The following EEPD1 variants were observed in gnomAD, a reference collection of about 807,000 sequenced individuals.
EEPD1 encodes the protein endonuclease/exonuclease/phosphatase family domain-containing protein 1.
EEPD1 carries 17 observed loss-of-function variants against 46.3 expected under a neutral mutation model. That is an observed-to-expected ratio of 0.37 (90% CI 0.25 to 0.55). The LOEUF (loss-of-function observed/expected upper bound fraction) is 0.55. Among genes scored for constraint, EEPD1 ranks in the 20% least tolerant of loss-of-function variants. The pLI is 0.83. For missense variants in EEPD1, 673 were observed against 745.6 expected (o/e 0.90, Z 1.13); for synonymous variants, 313 against 315.6 (o/e 0.99, Z 0.09).
At chr7:36,269,417 G>A (rs1376479362) in intron 3 of EEPD1, among the ~76,000 whole-genome samples, 2 of 152,200 alleles carry the variant, frequency 1.3e-5, no homozygotes, top group Admixed American at 1.3e-4. Flanking sequence ...TACTTAGGAG[G>A]CTGAGGCGGG....
At chr7:36,165,846 T>G (rs1334556280) in intron 2 of EEPD1, among the ~76,000 whole-genome samples, 1 of 152,162 alleles carries the variant, frequency 6.6e-6, no homozygotes, top group East Asian at 1.9e-4. Context: ...AATTGATACA[T>G]TGTCCAATTT....
At chr7:36,259,690 A>G (rs1390452068) in intron 3 of EEPD1, among the ~76,000 whole-genome samples, 1 of 151,042 alleles carries the variant, frequency 6.6e-6, no homozygotes, top group East Asian at 1.9e-4. Context: ...AATTTTTTGT[A>G]CTTTTAGTAG....
chr7:36,191,405 G>A (rs936659183), intron 2 of EEPD1, among the ~76,000 whole-genome samples: 4 of 152,188 alleles, frequency 2.6e-5, no homozygotes, highest in African/African-American at 4.8e-5. Context: ...AAGAGGGAGG[G>A]GAGAGGACGA....
intron 3 of EEPD1, among the ~76,000 whole-genome samples, chr7:36,262,618 G>GTC (rs1340114102): frequency 6.6e-6 from 1 of 152,128 alleles, no homozygotes; most frequent in African/African-American, 2.4e-5. Context: ...ATGCCCAGTG[G>GTC]TCTGCCAGCA....
intron 2 of EEPD1, among the ~76,000 whole-genome samples, chr7:36,205,606 G>A (rs377598092): frequency 3.9e-5 from 6 of 152,226 alleles, no homozygotes; most frequent in Admixed American, 6.5e-5. Flanking sequence ...GGGTAAAAGC[G>A]TGGTGCTAAG....
chr7:36,258,624 T>C (rs919949050), intron 3 of EEPD1, among the ~76,000 whole-genome samples: 2 of 152,082 alleles, frequency 1.3e-5, no homozygotes. Context: ...TTGTTTACAT[T>C]GTGAGGGGAA....
intron 2 of EEPD1, among the ~76,000 whole-genome samples, chr7:36,188,909 T>C (rs984299667): frequency 2.0e-5 from 3 of 152,240 alleles, no homozygotes; most frequent in African/African-American, 7.2e-5. Context: ...TGTGGGTTGA[T>C]ATAATTTCAT....
chr7:36,256,513 G>A (rs1022035806), intron 3 of EEPD1, among the ~76,000 whole-genome samples: 1 of 152,110 alleles, frequency 6.6e-6, no homozygotes, highest in African/African-American at 2.4e-5. Flanking sequence ...TCCCGTATTG[G>A]GTGCATATAT....
At chr7:36,223,153 A>AAAATAAATAAATAAATAAATAAAT (rs142182000) in intron 2 of EEPD1, among the ~76,000 whole-genome samples, 1 of 150,396 alleles carries the variant, frequency 6.6e-6, no homozygotes, top group African/African-American at 2.4e-5. Context: ...TGTGTCTCAA[A>AAAATAAATAAATAAATAAATAAAT]AAATAAATAA....
At chr7:36,273,027 G>A (rs1016905467) in intron 3 of EEPD1, among the ~76,000 whole-genome samples, 1 of 152,100 alleles carries the variant, frequency 6.6e-6, no homozygotes, top group Admixed American at 6.5e-5. Flanking sequence ...GGGTCATCAG[G>A]GCCTATGTGA....
chr7:36,182,433 C>T (rs1019130033), intron 2 of EEPD1, among the ~76,000 whole-genome samples: 3 of 152,148 alleles, frequency 2.0e-5, no homozygotes, highest in African/African-American at 7.2e-5. Flanking sequence ...TCTCAGAGTG[C>T]CTCTCTTTAT....
rs147632854 is a variant in EEPD1, at chr7:36,178,833, G to A, written c.878+23631G>A. 4.4e-3 allele frequency among the ~76,000 whole-genome samples: 669 copies of A among 152,294 alleles called. 9 individuals are homozygous for A. The highest frequency in any genetic ancestry group is 0.016 in the African/African-American group (646 of 41,558). On this transcript the variant is annotated intron_variant, in intron 2 of 7. Coordinates refer to ENST00000242108, the MANE Select transcript of EEPD1 (RefSeq NM_030636.3). ...CTCTAAGGTGATGAGTTGCCTTCCT[G>A]TCTTAATTGCTCCAGGGAGATAACT... is the stretch of plus-strand genomic sequence containing the variant.
Position 36,297,060 on chromosome 7 carries a change from G to A in EEPD1, c.1383G>A (p.Leu461=). 1 of 1,614,212 alleles carries A rather than the reference G, an allele frequency of 6.2e-7. No homozygotes were observed. The highest frequency in any genetic ancestry group is 8.5e-7 in the Non-Finnish European group (1 of 1,180,038). ...QGPDSNDYDI[L]RKEKFHHLIP... The stretch of plus-strand genomic sequence containing the variant: ...CAGACAGCAATGACTATGATATCCT[G>A]AGGAAAGAAAAGTTCCACCACCTGA... Residue 461 remains leucine (L), a synonymous_variant, in exon 7 of 8, where the codon CTG becomes CTA. Coordinates refer to ENST00000242108, the MANE Select transcript of EEPD1 (RefSeq NM_030636.3).
rs778797239 is a variant in EEPD1, at chr7:36,154,641, C to T, written c.317C>T (p.Ser106Leu). Residue 106 changes from serine (S) to leucine (L), a missense_variant, in exon 2 of 8, where the codon TCA becomes TTA. Coordinates refer to ENST00000242108, the MANE Select transcript of EEPD1 (RefSeq NM_030636.3). This position sits in a 1 kb window ranked among gnomAD's most constrained non-coding sequence, Gnocchi z 4.2. ...FEICVSSKGS[S>L]AQHSPSSLRR... is the part of the protein sequence containing the mutation. Reference sequence around the variant, plus strand: ...ATCTGTGTGAGCAGCAAGGGCAGCTCAGCGCAGCACTCTCCCAGTTCCCTG... The same window carrying T: ...ATCTGTGTGAGCAGCAAGGGCAGCTTAGCGCAGCACTCTCCCAGTTCCCTG... The T allele has an allele frequency of 6.2e-7, 1 of 1,613,990 alleles. No homozygotes were observed. The highest frequency in any genetic ancestry group is 1.1e-5 in the South Asian group (1 of 91,078).
intron 2 of EEPD1, among the ~76,000 whole-genome samples, chr7:36,229,615 A>G (rs1786287034): frequency 6.6e-6 from 1 of 152,076 alleles, no homozygotes; most frequent in African/African-American, 2.4e-5. Context: ...GAAACCTGGC[A>G]TCATCTCCAC....
chr7:36,161,120 A>T (rs1784896466), intron 2 of EEPD1, among the ~76,000 whole-genome samples: 1 of 152,002 alleles, frequency 6.6e-6, no homozygotes, highest in South Asian at 2.1e-4. Flanking sequence ...TGACAAATGG[A>T]CCCAGGGCTT....
intron 2 of EEPD1, among the ~76,000 whole-genome samples, chr7:36,188,393 G>A (rs1166128578): frequency 6.6e-6 from 1 of 152,164 alleles, no homozygotes; most frequent in Non-Finnish European, 1.5e-5. Flanking sequence ...ATTGTCATGG[G>A]TCATTGTGTG....
intron 2 of EEPD1, among the ~76,000 whole-genome samples, chr7:36,209,666 G>C (rs1056711534): frequency 6.7e-6 from 1 of 149,266 alleles, no homozygotes; most frequent in Admixed American, 6.7e-5. Context: ...ACATGTTTAG[G>C]GCCAATTATC....
chr7:36,227,586 C>T lies in EEPD1; in HGVS notation c.879-11399C>T, dbSNP rs190334439. On this transcript the variant is annotated intron_variant, in intron 2 of 7. Coordinates refer to ENST00000242108, the MANE Select transcript of EEPD1 (RefSeq NM_030636.3). ...GGGAAAACAGGCCTGCATGTAACAC[C>T]CATGATGTCTTCTAAAATTTGGTGA... Among the ~76,000 whole-genome samples the T allele has an allele frequency of 2.0e-3, 302 of 152,256 alleles. 1 individual carries two copies. Among genetic ancestry groups the T allele is most frequent in the South Asian group, 2.3e-3 (11 of 4,816 alleles).
Sources: gnomAD v4.1 joint callset for allele counts (sites outside exome capture counted in the v4.1 genomes callset) on GRCh38, gnomAD v4.1.1 for gene constraint, Gnocchi (gnomAD v3.1) non-coding constraint, MANE v1.5 for transcripts, NCBI Gene and HGNC (gene_info 2026-07-23, HGNC 2026-07-21) for gene names.